The following GRAMD1C variants were observed in gnomAD, a reference collection of about 807,000 sequenced individuals.
The protein encoded by GRAMD1C is protein Aster-C.
A neutral mutation model predicts 97.8 loss-of-function variants in GRAMD1C; 89 were observed. The observed-to-expected ratio is 0.91, with a 90% CI of 0.77 to 1.09. GRAMD1C has a LOEUF of 1.09. Among genes scored for constraint, GRAMD1C ranks in the 50% least tolerant of loss-of-function variants. The probability of loss-of-function intolerance (pLI) is 0.00; values close to 1 mark genes in which losing one functional copy is unlikely to be tolerated. For missense variants in GRAMD1C, 740 were observed against 766.4 expected (o/e 0.97, Z 0.41); for synonymous variants, 256 against 267.0 (o/e 0.96, Z 0.40).
intron 9 of GRAMD1C, among the ~76,000 whole-genome samples, chr3:113,911,051 G>A (rs1936549687): frequency 6.6e-6 from 1 of 152,096 alleles, no homozygotes; most frequent in South Asian, 2.1e-4. Flanking sequence ...TTTCTGGTGA[G>A]GGCTCTCTTC....
At chr3:113,869,947 C>T (rs1934730630) in intron 3 of GRAMD1C, among the ~76,000 whole-genome samples, 1 of 152,042 alleles carries the variant, frequency 6.6e-6, no homozygotes, top group Admixed American at 6.6e-5. Flanking sequence ...CTGTCATTTG[C>T]AACAGTGTGG....
At chr3:113,941,962 C>T (rs1187560644) in intron 17 of GRAMD1C, among the ~76,000 whole-genome samples, 3 of 150,588 alleles carry the variant, frequency 2.0e-5, no homozygotes, top group African/African-American at 2.5e-5. Context: ...TGTCACCCAA[C>T]TGGAGTGCAG....
At chr3:113,925,996 C>T (rs113933326) in intron 10 of GRAMD1C, among the ~76,000 whole-genome samples, 2,411 of 152,172 alleles carry the variant, frequency 0.016, 33 homozygotes, top group Non-Finnish European at 0.027. Flanking sequence ...TTTTGTTTCA[C>T]GTTGACCTTG....
At chr3:113,850,328 G>A (rs1559777629) in intron 2 of GRAMD1C, 1 of 725,662 alleles carries the variant, frequency 1.4e-6, no homozygotes. Context: ...TTTCTTGTTG[G>A]CACCAGGGGG....
intron 6 of GRAMD1C, among the ~76,000 whole-genome samples, chr3:113,897,270 T>TA (rs1935983497): frequency 6.6e-6 from 1 of 152,188 alleles, no homozygotes; most frequent in Non-Finnish European, 1.5e-5. Context: ...GAAGAAAAAT[T>TA]AACCTGTAAT....
chr3:113,837,395 G>A (rs1007374889), upstream of GRAMD1C, among the ~76,000 whole-genome samples: 1 of 152,192 alleles, frequency 6.6e-6, no homozygotes, highest in Non-Finnish European at 1.5e-5. Flanking sequence ...CACAGTCTCA[G>A]GAAGTCCCAA....
At chr3:113,878,623 G>A (rs922406718) in intron 5 of GRAMD1C, among the ~76,000 whole-genome samples, 3 of 152,018 alleles carry the variant, frequency 2.0e-5, no homozygotes, top group African/African-American at 4.8e-5. Context: ...CGTGATTTAT[G>A]TAATCACGTG....
chr3:113,897,802 C>T (rs1935998952), intron 6 of GRAMD1C: 2 of 978,222 alleles, frequency 2.0e-6, no homozygotes, highest in Non-Finnish European at 2.4e-6. Context: ...AGAGACTCTC[C>T]TTGGTTTGCA....
intron 2 of GRAMD1C, among the ~76,000 whole-genome samples, chr3:113,864,662 A>T (rs114034275): frequency 1.3e-5 from 2 of 152,142 alleles, no homozygotes; most frequent in African/African-American, 4.8e-5. Context: ...CCTCATTTCC[A>T]TCAGAGACCT....
At chr3:113,885,563 G>A in intron 6 of GRAMD1C, 1 of 1,571,956 alleles carries the variant, frequency 6.4e-7, no homozygotes. Context: ...GGCCTGTTAG[G>A]CCTCCTGACT....
At chr3:113,890,670 A>G (rs2107422678) in intron 6 of GRAMD1C, 1 of 673,242 alleles carries the variant, frequency 1.5e-6, no homozygotes, top group East Asian at 2.7e-5. Context: ...CTCTCATTCT[A>G]GCAAGGCACC....
Position 113,909,105 on chromosome 3 carries a change from G to T in GRAMD1C, c.937G>T (p.Asp313Tyr). 6.7e-7 allele frequency: 1 copy of T among 1,503,540 alleles called. No individual in the cohort carries two copies. The highest frequency in any genetic ancestry group is 1.3e-5 in the South Asian group (1 of 77,524). 93.1% of individuals were successfully genotyped at this position (1,503,540 alleles called of 1,614,324 possible). ...YLSLDKSSTS[D>Y]SVDEENVPEK... ...TTCTCTGGACAAAAGCAGCACTTCAGATTCTGTTGATGAAGGTAAATAATT... is the reference window on the plus strand; with the variant it reads ...TTCTCTGGACAAAAGCAGCACTTCATATTCTGTTGATGAAGGTAAATAATT... The change falls in exon 9 of 18, where the codon GAT (aspartate) becomes TAT (tyrosine). Residue 313 changes from aspartate (D) to tyrosine (Y), a missense_variant. By Grantham distance (160) the Asp-to-Tyr change is radical. Transcript: ENST00000358160.
At chr3:113,849,264 ATATTT>A (rs1412740769) in intron 2 of GRAMD1C, among the ~76,000 whole-genome samples, 2 of 138,128 alleles carry the variant, frequency 1.4e-5, no homozygotes, top group South Asian at 2.4e-4. Context: ...AAGCTAGTTA[ATATTT>A]TATTTATTTA....
chr3:113,864,526 A>T (rs1190416009), intron 2 of GRAMD1C, among the ~76,000 whole-genome samples: 1 of 152,182 alleles, frequency 6.6e-6, no homozygotes, highest in Non-Finnish European at 1.5e-5. Context: ...CTCCCAAAAG[A>T]TGGCATTAAT....
intron 17 of GRAMD1C, among the ~76,000 whole-genome samples, chr3:113,942,831 C>T (rs1336546897): frequency 6.6e-6 from 1 of 152,180 alleles, no homozygotes; most frequent in Admixed American, 6.5e-5. Flanking sequence ...TTTGGCTCTT[C>T]CTCTTTATTC....
Position 113,933,648 on chromosome 3 carries a change from G to A in GRAMD1C, c.1347G>A (p.Arg449=). ...TCCGATCTTCAAAACAGAAATGCAG[G>A]CTAAGGTGAGCTGCTGTACATGAAT... ...CIIRSSKQKC[R]LRVSTDLKYR... is the part of the protein sequence containing the mutation. Residue 449 remains arginine (R), a synonymous_variant, in exon 12 of 18, where the codon AGG becomes AGA. Coordinates refer to ENST00000358160, the MANE Select transcript of GRAMD1C (RefSeq NM_017577.5). 6.2e-7 allele frequency: 1 copy of A among 1,602,320 alleles called. No homozygotes were observed. The highest frequency in any genetic ancestry group is 8.5e-7 in the Non-Finnish European group (1 of 1,169,928).
intron 7 of GRAMD1C, among the ~76,000 whole-genome samples, chr3:113,901,525 A>G (rs1936171953): frequency 6.6e-6 from 1 of 152,334 alleles, no homozygotes; most frequent in East Asian, 1.9e-4. Context: ...ATTCCCTAAC[A>G]TAGTGCTTAG....
chr3:113,888,615 C>A (rs1187768386), intron 6 of GRAMD1C, among the ~76,000 whole-genome samples: 1 of 152,036 alleles, frequency 6.6e-6, no homozygotes, highest in African/African-American at 2.4e-5. Flanking sequence ...AAGTTGTATA[C>A]CTTAAATATG....
intron 5 of GRAMD1C, among the ~76,000 whole-genome samples, chr3:113,877,269 G>A (rs1437766978): frequency 6.6e-6 from 1 of 152,120 alleles, no homozygotes; most frequent in African/African-American, 2.4e-5. Flanking sequence ...TAGATATTCT[G>A]GCATGTACTT....
Sources: gnomAD v4.1 joint callset for allele counts (sites outside exome capture counted in the v4.1 genomes callset) on GRCh38, gnomAD v4.1.1 for gene constraint, MANE v1.5 for transcripts, NCBI Gene and HGNC (gene_info 2026-07-23, HGNC 2026-07-21) for gene names.